Variants in IGSF10 observed in about 807,000 individuals in gnomAD.
The protein encoded by IGSF10 is immunoglobulin superfamily member 10.
Under a neutral mutation model 128.2 loss-of-function variants are expected in IGSF10, and 126 were observed. The ratio of observed to expected loss-of-function variants is 0.98; its 90% CI spans 0.85 to 1.14. The LOEUF (loss-of-function observed/expected upper bound fraction) is 1.14. Among genes scored for constraint, IGSF10 ranks in the 50% most tolerant of loss-of-function variants. IGSF10 has a pLI of 0.00. For synonymous variants in IGSF10, 1,185 were observed against 1,146.2 expected (o/e 1.03, Z -0.68); for missense variants, 3,295 against 3,149.8 (o/e 1.05, Z -1.10).
At chr3:151,482,022 C>T in the IGSF10 span, among the ~76,000 whole-genome samples, 1 of 152,128 alleles carries the variant, frequency 6.6e-6, no homozygotes, top group Admixed American at 6.5e-5. Context: ...AACCGACACC[C>T]TCAAGCACAT....
chr3:151,580,861 C>G, the IGSF10 span, among the ~76,000 whole-genome samples: 1 of 152,064 alleles, frequency 6.6e-6, no homozygotes, highest in Non-Finnish European at 1.5e-5. Flanking sequence ...TATAACCAGA[C>G]ATTTTTTCAA....
At chr3:151,615,610 A>AC in the IGSF10 span, among the ~76,000 whole-genome samples, 1 of 152,170 alleles carries the variant, frequency 6.6e-6, no homozygotes, top group Admixed American at 6.5e-5. Flanking sequence ...AGTAGGAAAA[A>AC]TTTTAAGTAC....
chr3:151,610,558 C>A, the IGSF10 span, among the ~76,000 whole-genome samples: 1 of 152,074 alleles, frequency 6.6e-6, no homozygotes, highest in African/African-American at 2.4e-5. Context: ...AATGACAGAA[C>A]TCAGATGAAG....
In IGSF10 at chr3:151,437,403, A is replaced by T. The variant is rs1720429013; in HGVS notation, c.7158T>A (p.Tyr2386Ter). Residue 2386 changes from tyrosine to a stop codon, truncating the protein, a stop_gained, in exon 8 of 8, where the codon TAT becomes TAA. Coordinates refer to ENST00000282466, the MANE Select transcript of IGSF10 (RefSeq NM_178822.5). LOFTEE classifies it low-confidence loss of function (END_TRUNC). The part of the protein sequence containing the change: ...GTRFSNGPQS[Y>*]QYLIASNGSF... ...AACCATTGCTTGCTATCAGATACTG[A>T]TAACTTTGTGGTCCATTGGAAAATC... 1 of 1,614,200 alleles carries T rather than the reference A, an allele frequency of 6.2e-7. No homozygotes were observed. Among genetic ancestry groups the T allele is most frequent in the Non-Finnish European group, 8.5e-7 (1 of 1,180,012 alleles).
the IGSF10 span, among the ~76,000 whole-genome samples, chr3:151,507,715 C>T: frequency 6.6e-6 from 1 of 152,108 alleles, no homozygotes; most frequent in African/African-American, 2.4e-5. Context: ...TGAGGGTAAC[C>T]ACTACCATGA....
chr3:151,531,645 GAC>G, the IGSF10 span, among the ~76,000 whole-genome samples: 42,769 of 151,848 alleles, frequency 0.28, 6,811 homozygotes, highest in Middle Eastern at 0.41. Context: ...TGAGAACAAA[GAC>G]ACAACATACC....
the IGSF10 span, among the ~76,000 whole-genome samples, chr3:151,485,861 A>C: frequency 1.3e-5 from 2 of 152,204 alleles, no homozygotes; most frequent in African/African-American, 4.8e-5. Flanking sequence ...CAAATTGTGA[A>C]GACCATCCAC....
the IGSF10 span, among the ~76,000 whole-genome samples, chr3:151,575,572 C>T: frequency 6.6e-6 from 1 of 152,198 alleles, no homozygotes; most frequent in East Asian, 1.9e-4. Flanking sequence ...TTTGCTAAGA[C>T]CATTGGAAAA....
chr3:151,578,801 G>A, the IGSF10 span, among the ~76,000 whole-genome samples: 5 of 152,194 alleles, frequency 3.3e-5, no homozygotes, highest in African/African-American at 1.2e-4. Flanking sequence ...TTGAGGGAAG[G>A]ACAGAAAATT....
chr3:151,560,707 C>CA, the IGSF10 span, among the ~76,000 whole-genome samples: 9 of 151,624 alleles, frequency 5.9e-5, no homozygotes, highest in East Asian at 3.9e-4. Context: ...CCATAGCCCC[C>CA]CCCTCCGTCC....
Position 151,460,982 on chromosome 3 carries a change from G to T in IGSF10, c.-125C>A, listed in dbSNP as rs540485434. ...GGTGACCAATGGGCTCGAGCTGCCC[G>T]GGCTAGGTCCCGGGCTCGGTCCCGG... On this transcript the variant is annotated 5_prime_UTR_variant, in exon 1 of 8. Coordinates refer to ENST00000282466, the MANE Select transcript of IGSF10 (RefSeq NM_178822.5). 5.7e-5 allele frequency: 56 copies of T among 984,742 alleles called. No homozygotes were observed. In the South Asian group the frequency reaches 1.4e-3, roughly 24 times the overall value. 61.0% of individuals were successfully genotyped at this position (984,742 alleles called of 1,614,324 possible).
At chr3:151,591,088 T>A in the IGSF10 span, among the ~76,000 whole-genome samples, 15 of 152,264 alleles carry the variant, frequency 9.9e-5, no homozygotes, top group East Asian at 2.7e-3. Context: ...ATGGCCATCA[T>A]GTACTGTTGG....
the IGSF10 span, among the ~76,000 whole-genome samples, chr3:151,595,133 T>A: frequency 6.6e-6 from 1 of 152,142 alleles, no homozygotes; most frequent in Non-Finnish European, 1.5e-5. Flanking sequence ...GGCAAGGGTG[T>A]GGATAAATAG....
the IGSF10 span, among the ~76,000 whole-genome samples, chr3:151,497,436 C>A: frequency 6.6e-6 from 1 of 152,114 alleles, no homozygotes; most frequent in Non-Finnish European, 1.5e-5. Flanking sequence ...ATAGGGAATC[C>A]CTTCCCCATT....
chr3:151,548,535 T>G, the IGSF10 span, among the ~76,000 whole-genome samples: 1 of 152,218 alleles, frequency 6.6e-6, no homozygotes, highest in Non-Finnish European at 1.5e-5. Flanking sequence ...TGCATGACAC[T>G]AATGACTGGA....
At chr3:151,594,725 T>C in the IGSF10 span, among the ~76,000 whole-genome samples, 11 of 151,568 alleles carry the variant, frequency 7.3e-5, no homozygotes, top group South Asian at 6.3e-4. Context: ...AGGGTGACTA[T>C]AGTTAACAAC....
chr3:151,459,417 T>A (rs750734976), intron 2 of IGSF10, among the ~76,000 whole-genome samples: 1 of 152,216 alleles, frequency 6.6e-6, no homozygotes, highest in African/African-American at 2.4e-5. Flanking sequence ...ATAAATCTCT[T>A]TCTAACCGGT....
At chr3:151,583,849 T>C in the IGSF10 span, among the ~76,000 whole-genome samples, 1 of 152,232 alleles carries the variant, frequency 6.6e-6, no homozygotes, top group Non-Finnish European at 1.5e-5. Context: ...ATTGGAGTCC[T>C]TGTAGATTTG....
the IGSF10 span, among the ~76,000 whole-genome samples, chr3:151,466,998 T>C: frequency 1.3e-5 from 2 of 152,152 alleles, no homozygotes; most frequent in African/African-American, 4.8e-5. Flanking sequence ...GGAAAAAGAC[T>C]ATGTCCCACA....
Sources: allele counts gnomAD v4.1 joint callset (sites outside exome capture counted in the v4.1 genomes callset), GRCh38; gene constraint gnomAD v4.1.1; transcripts MANE v1.5; gene names NCBI Gene and HGNC (gene_info 2026-07-23, HGNC 2026-07-21).